POGLUT2: variants seen among roughly 807,000 people sequenced by gnomAD.
The protein encoded by POGLUT2 is protein O-glucosyltransferase 2, also known as ER protein 58.
POGLUT2 carries 47 observed loss-of-function variants against 57.6 expected under a neutral mutation model. The ratio of observed to expected loss-of-function variants is 0.82; its 90% CI spans 0.65 to 1.04. POGLUT2 has a LOEUF of 1.04. Ranked by LOEUF, POGLUT2 falls within the 50% of genes least tolerant of loss-of-function variation. The pLI is 0.00. For missense variants in POGLUT2, 565 were observed against 614.8 expected (o/e 0.92, Z 0.86); for synonymous variants, 200 against 218.8 (o/e 0.91, Z 0.76).
chr13:102,791,544 G>C, intron 4 of POGLUT2, 114 bp from the exon 5 acceptor site: 1 of 986,134 alleles, frequency 1.0e-6, no homozygotes. Flanking sequence ...ACATGTTTCA[G>C]GTAATAATAA....
chr13:102,787,693 T>C (rs1026917053), intron 8 of POGLUT2, 141 bp downstream of exon 8: 4 of 445,328 alleles, frequency 9.0e-6, no homozygotes, highest in African/African-American at 3.9e-5. Flanking sequence ...GATTACTTAA[T>C]ATTTGTCTCT....
At chr13:102,798,382 G>T in intron 1 of POGLUT2, 107 bp downstream of exon 1, 1 of 1,016,686 alleles carries the variant, frequency 9.8e-7, no homozygotes, top group Non-Finnish European at 1.4e-6. Context: ...AAATATCCTG[G>T]AATATAAACT....
chr13:102,792,458 C>T lies in POGLUT2; in HGVS notation c.672+883G>A, dbSNP rs549261645. ...TTTTATGATAAGGCATTTTTCTTTC[C>T]TCTATAAAATATTGTGTCCCTGCAA... On this transcript the variant is annotated intron_variant, in intron 4 of 9. Coordinates refer to ENST00000376004, the MANE Select transcript of POGLUT2 (RefSeq NM_024089.3). Among the ~76,000 whole-genome samples, 5 of 152,186 alleles carry T rather than the reference C, an allele frequency of 3.3e-5. No individual in the cohort carries two copies. The South Asian group carries it at 1.0e-3, about 32-fold the overall frequency.
intron 6 of POGLUT2, among the ~76,000 whole-genome samples, chr13:102,789,620 CAG>C (rs1224884260): frequency 1.3e-5 from 2 of 152,194 alleles, no homozygotes; most frequent in Admixed American, 6.5e-5. Flanking sequence ...TATTTTGAGA[CAG>C]AGTCTTGCTC....
At position 102,798,503 on chromosome 13, in the gene POGLUT2, A is replaced by ATC; in HGVS notation, c.166_167dup (p.Asp56GlufsTer19). ...TCTCGACTTACTTATTCCCTGATGT[A>ATC]TCCACTGCCTGAATATAGAAATAGC... On this transcript the variant is annotated frameshift_variant, in exon 1 of 10. Coordinates refer to ENST00000376004, the MANE Select transcript of POGLUT2 (RefSeq NM_024089.3). LOFTEE classifies it high-confidence loss of function. 6.2e-7 allele frequency: 1 copy of ATC among 1,609,184 alleles called. No homozygotes were observed. Among genetic ancestry groups the ATC allele is most frequent in the Non-Finnish European group, 8.5e-7 (1 of 1,177,704 alleles).
At chr13:102,784,990 C>A (rs548732625) in intron 9 of POGLUT2, among the ~76,000 whole-genome samples, 5 of 152,114 alleles carry the variant, frequency 3.3e-5, no homozygotes, top group Admixed American at 1.3e-4. Context: ...TGAGGGGGAA[C>A]CTTTCGATTT....
intron 3 of POGLUT2, 45 bp from the exon 4 acceptor site, chr13:102,793,463 G>A (rs777233040): frequency 1.5e-6 from 2 of 1,367,226 alleles, no homozygotes; most frequent in South Asian, 1.2e-5. Flanking sequence ...AAAGACGCTG[G>A]CAGACTTCAC....
At chr13:102,785,196 C>T (rs1037454340) in intron 9 of POGLUT2, among the ~76,000 whole-genome samples, 1 of 152,122 alleles carries the variant, frequency 6.6e-6, no homozygotes, top group African/African-American at 2.4e-5. Context: ...GTAAATACTC[C>T]TATCAGGATG....
chr13:102,795,121 G>A (rs1441561462), intron 2 of POGLUT2, among the ~76,000 whole-genome samples: 1 of 151,516 alleles, frequency 6.6e-6, no homozygotes, highest in Non-Finnish European at 1.5e-5. Context: ...GTGTTGTGGC[G>A]CGTCCCTGTA....
rs1877947275 is a variant in POGLUT2 at position 102,786,452 on chromosome 13, G to A, written c.1384-113C>T. The A allele has an allele frequency of 6.7e-6, 5 of 748,328 alleles. No homozygotes were observed. The Admixed American group carries it at 7.7e-5, about 12-fold the overall frequency. 46.4% of individuals were successfully genotyped at this position (748,328 alleles called of 1,614,324 possible). On this transcript the variant is annotated intron_variant, in intron 8 of 9. Coordinates refer to ENST00000376004, the MANE Select transcript of POGLUT2 (RefSeq NM_024089.3). ...TCATTTAACTCATGTGTGTCAAACT[G>A]TGATCTGCATAGTCCGTCATATATA...
At chr13:102,786,153 A>ATGAC (rs1336224202) in intron 9 of POGLUT2, 79 bp downstream of exon 9, 5 of 875,008 alleles carry the variant, frequency 5.7e-6, no homozygotes, top group Non-Finnish European at 7.6e-6. Context: ...GCCTGATTGA[A>ATGAC]TGACTATAGG....
intron 9 of POGLUT2, among the ~76,000 whole-genome samples, chr13:102,784,833 TCTA>T (rs541689982): frequency 5.5e-4 from 83 of 152,276 alleles, no homozygotes; most frequent in African/African-American, 1.9e-3. Flanking sequence ...GCCCCTAACT[TCTA>T]CTACTCAGTG....
chr13:102,787,585 T>G (rs773454701), intron 8 of POGLUT2, among the ~76,000 whole-genome samples: 13 of 152,338 alleles, frequency 8.5e-5, no homozygotes, highest in Middle Eastern at 6.8e-3. Context: ...GAGGCCAATT[T>G]CTTAGTCAGA....
chr13:102,797,009 T>C lies in POGLUT2; in HGVS notation c.183A>G (p.Lys61=), dbSNP rs753200593. The change falls in exon 2 of 10, where the codon AAA becomes AAG. Residue 61 remains lysine (K), a splice_region_variant and synonymous_variant. Transcript: ENST00000376004. ...CCTTTTCGCCTGGAGAAGATGTGAA[T>C]CTGTGATGAAAAGGCAATGGGGGAG... The part of the protein sequence containing the change: ...YIQAVDTSGN[K]FTSSPGEKVF... 6.2e-6 allele frequency: 10 copies of C among 1,610,466 alleles called. No individual in the cohort carries two copies. In the African/African-American group the frequency reaches 1.3e-4, roughly 22 times the overall value.
chr13:102,796,696 AAAAATATATAT>A, intron 2 of POGLUT2, 97 bp downstream of exon 2: 1 of 142,314 alleles, frequency 7.0e-6, no homozygotes, highest in Non-Finnish European at 1.3e-5. Context: ...AAAAAAAAAA[AAAAATATATAT>A]ATATATATAT....
chr13:102,798,857 G>A lies in POGLUT2; in HGVS notation c.-187C>T. The A allele has an allele frequency of 2.0e-6, 1 of 511,488 alleles. No individual in the cohort carries two copies. Among genetic ancestry groups the A allele is most frequent in the South Asian group, 3.5e-5 (1 of 28,850 alleles). 31.7% of individuals were successfully genotyped at this position (511,488 alleles called of 1,614,324 possible). ...CGACCCCAGGACAATCAAAGCCCGTGCCCCGGCGCGCCCAGGTGAGGGTCC... is the reference window on the plus strand; with the variant it reads ...CGACCCCAGGACAATCAAAGCCCGTACCCCGGCGCGCCCAGGTGAGGGTCC... On this transcript the variant is annotated 5_prime_UTR_variant, in exon 1 of 10. Coordinates refer to ENST00000376004, the MANE Select transcript of POGLUT2 (RefSeq NM_024089.3).
chr13:102,787,986 A>T (rs1410631935), intron 7 of POGLUT2, 63 bp from the exon 8 acceptor site: 1 of 954,670 alleles, frequency 1.0e-6, no homozygotes, highest in Admixed American at 1.9e-5. Context: ...AGGCATCTGC[A>T]AACTGCTCTT....
intron 2 of POGLUT2, among the ~76,000 whole-genome samples, 153 bp from the exon 3 acceptor site, chr13:102,793,959 CAGCA>C (rs1286416847): frequency 2.6e-5 from 4 of 152,166 alleles, no homozygotes; most frequent in Admixed American, 1.3e-4. Context: ...AATTACAGGC[CAGCA>C]AGGTTGGCTC....
At chr13:102,791,211 A>G (rs768734809) in intron 5 of POGLUT2, 47 bp downstream of exon 5, 2 of 1,603,402 alleles carry the variant, frequency 1.2e-6, no homozygotes, top group South Asian at 1.1e-5. Context: ...AGAACTCACC[A>G]AAGAAAGAAA....
Sources: gnomAD v4.1 joint callset for allele counts (sites outside exome capture counted in the v4.1 genomes callset) on GRCh38, gnomAD v4.1.1 for gene constraint, MANE v1.5 for transcripts, NCBI Gene and HGNC (gene_info 2026-07-23, HGNC 2026-07-21) for gene names.